CUL4B: variants seen among roughly 807,000 people sequenced by gnomAD.
CUL4B encodes cullin-4B.
A neutral mutation model predicts 69.2 loss-of-function variants in CUL4B; 1 was observed. That is an observed-to-expected ratio of 0.01 (90% CI 0.01 to 0.07). The LOEUF (loss-of-function observed/expected upper bound fraction) is 0.07, where lower values mean the gene tolerates loss of function less well. Among genes scored for constraint, CUL4B ranks in the 10% least tolerant of loss-of-function variants. The probability of loss-of-function intolerance (pLI) is 1.00; values close to 1 mark genes in which losing one functional copy is unlikely to be tolerated. For missense variants in CUL4B, 328 were observed against 638.8 expected (o/e 0.51, Z 5.24); for synonymous variants, 237 against 223.2 (o/e 1.06, Z -0.55).
intron 2 of CUL4B, among the ~76,000 whole-genome samples, chrX:120,557,455 G>A (rs1255190477): frequency 9.0e-6 from 1 of 111,623 alleles, no homozygotes; most frequent in East Asian, 2.8e-4. Flanking sequence ...TGTAGCCCAG[G>A]TATTAGAAAA....
intron 17 of CUL4B, 137 bp from the exon 18 acceptor site, chrX:120,532,731 G>A (rs1313567078): frequency 7.0e-6 from 4 of 569,540 alleles, no homozygotes; most frequent in Non-Finnish European, 8.7e-6. Flanking sequence ...ACTTTTCTTT[G>A]TTCTAGCCAA....
At chrX:120,567,718 A>G (rs374381916), downstream of CUL4B, among the ~76,000 whole-genome samples, 1 of 93,808 alleles carries the variant, frequency 1.1e-5, no homozygotes, top group South Asian at 4.8e-4. Flanking sequence ...GTCTCTATCG[A>G]AAAAAAAAAA....
In CUL4B at chrX:120,548,330, T is replaced by C. The variant is rs777589489; in HGVS notation, c.673-1091A>G. On this transcript the variant is annotated intron_variant, in intron 2 of 19. Transcript: ENST00000371322. Reference sequence around the variant, plus strand: ...AATCATTTTCACAAGCAGAGCTTCATTTTGGGTTTAAAAAAGAATTTCACC... The same window carrying C: ...AATCATTTTCACAAGCAGAGCTTCACTTTGGGTTTAAAAAAGAATTTCACC... Among the ~76,000 whole-genome samples, 71 of 111,748 alleles carry C rather than the reference T, an allele frequency of 6.4e-4. 1 individual carries two copies. Among genetic ancestry groups the C allele is most frequent in the Non-Finnish European group, 2.4e-4 (13 of 53,187 alleles).
chrX:120,558,798 T>C (rs965718275), intron 1 of CUL4B, among the ~76,000 whole-genome samples: 1 of 111,843 alleles, frequency 8.9e-6, no homozygotes, highest in South Asian at 3.7e-4. Context: ...GCCTTAATAA[T>C]ATGCTTTTAT....
intron 19 of CUL4B, among the ~76,000 whole-genome samples, chrX:120,527,224 A>T (rs1383268196): frequency 9.1e-6 from 1 of 109,478 alleles, no homozygotes; most frequent in Non-Finnish European, 1.9e-5. Context: ...CGCCTGGCTA[A>T]TTTTTGTATT....
At chrX:120,561,304 G>A (rs1925294018), upstream of CUL4B, 4 of 549,043 alleles carry the variant, frequency 7.3e-6, no homozygotes, top group Admixed American at 9.4e-5. Flanking sequence ...TTCCTTCCCT[G>A]GCCCACCGGG....
chrX:120,554,217 G>A (rs1030599492), intron 2 of CUL4B, among the ~76,000 whole-genome samples: 3 of 111,808 alleles, frequency 2.7e-5, no homozygotes, highest in Admixed American at 9.5e-5. Context: ...TTTCATTTAC[G>A]TCTAAAAAAC....
At chrX:120,530,477 A>G (rs970530222) in intron 18 of CUL4B, among the ~76,000 whole-genome samples, 1 of 112,394 alleles carries the variant, frequency 8.9e-6, no homozygotes, top group Admixed American at 9.5e-5. Flanking sequence ...TGCTAATATT[A>G]GTTAATAGAA....
chrX:120,534,409 C>T (rs1215587808), intron 17 of CUL4B, 72 bp downstream of exon 17: 1 of 728,172 alleles, frequency 1.4e-6, no homozygotes, highest in Non-Finnish European at 2.2e-6. Context: ...GGAATTATTC[C>T]TATAAATATG....
At chrX:120,534,416 T>G (rs1332787454) in intron 17 of CUL4B, 65 bp downstream of exon 17, 2 of 751,079 alleles carry the variant, frequency 2.7e-6, no homozygotes, top group African/African-American at 2.1e-5. Flanking sequence ...TTCCTATAAA[T>G]ATGTCCCCCA....
chrX:120,524,129 ACAT>A lies in CUL4B; in HGVS notation c.*2629_*2631del, dbSNP rs1922845912. 9.0e-6 allele frequency among the ~76,000 whole-genome samples: 1 copy of A among 111,538 alleles called. No individual in the cohort carries two copies. The highest frequency in any genetic ancestry group is 9.6e-5 in the Admixed American group (1 of 10,376). On this transcript the variant is annotated 3_prime_UTR_variant, in exon 20 of 20. Coordinates refer to ENST00000371322, the MANE Select transcript of CUL4B (RefSeq NM_001079872.2). ...GCAAAAATTTCAAGAGTATGGCTAG[ACAT>A]CATATTAAGACCATTCAAGCAGACT...
chrX:120,543,660 A>G, intron 8 of CUL4B, 67 bp downstream of exon 8: 1 of 758,469 alleles, frequency 1.3e-6, no homozygotes, highest in Non-Finnish European at 2.1e-6. Context: ...CATGTTTAGG[A>G]TGGCTAAAGT....
upstream of CUL4B, among the ~76,000 whole-genome samples, chrX:120,566,250 T>C (rs1318330744): frequency 1.9e-5 from 2 of 103,329 alleles, no homozygotes; most frequent in East Asian, 3.1e-4. Flanking sequence ...GAGATTGCTA[T>C]ATAAAAGCAA....
rs1233659334 is a variant in CUL4B at position 120,526,834 on chromosome X, A to G, written c.2615T>C (p.Ile872Thr). The G allele has an allele frequency of 8.4e-7, 1 of 1,191,927 alleles. No homozygotes were observed. The highest frequency in any genetic ancestry group is 1.1e-6 in the Non-Finnish European group (1 of 880,465). The part of the protein sequence containing the change: ...PVKPADLKKR[I>T]ESLIDRDYME... The stretch of plus-strand genomic sequence containing the variant: ...GTAGTCCCGGTCAATTAAAGATTCT[A>G]TTCTCTTCTTAAGATCAGCAGGCTG... Residue 872 changes from isoleucine to threonine, a missense_variant, in exon 20 of 20, where the codon ATA becomes ACA. By Grantham distance (89) the Ile-to-Thr change is moderately conservative. Around this residue, in one of 4 missense-constraint regions of CUL4B, gnomAD observed 98 missense variants for 296.8 expected, o/e 0.33. Coordinates refer to ENST00000371322, the MANE Select transcript of CUL4B (RefSeq NM_001079872.2).
In CUL4B at chrX:120,546,578, T is replaced by A; in HGVS notation, c.815A>T (p.Asp272Val). ...LDSVLFLKKI[D>V]RCWQNHCRQM... Reference sequence around the variant, plus strand: ...TCTGCAATGGTTTTGCCAGCATCTATCAATCTTCTTTAAAAAAAGAACGCT... The same window carrying A: ...TCTGCAATGGTTTTGCCAGCATCTAACAATCTTCTTTAAAAAAAGAACGCT... The change falls in exon 4 of 20, where the codon GAT (aspartate) becomes GTT (valine). Residue 272 changes from aspartate (D) to valine (V), a missense_variant. Physicochemically the swap from Asp to Val is radical, Grantham distance 152 (BLOSUM62 -3). Coordinates refer to ENST00000371322, the MANE Select transcript of CUL4B (RefSeq NM_001079872.2). 8.3e-7 allele frequency: 1 copy of A among 1,204,494 alleles called. No homozygotes were observed. Among genetic ancestry groups the A allele is most frequent in the Non-Finnish European group, 1.1e-6 (1 of 889,686 alleles).
intron 16 of CUL4B, among the ~76,000 whole-genome samples, chrX:120,534,859 T>C (rs1923558819): frequency 1.8e-5 from 2 of 111,638 alleles, no homozygotes; most frequent in African/African-American, 6.5e-5. Context: ...CAGCCTTATG[T>C]GTCATTCTAG....
At chrX:120,544,293 G>A (rs1924184341) in intron 6 of CUL4B, 90 bp from the exon 7 acceptor site, 2 of 831,756 alleles carry the variant, frequency 2.4e-6, no homozygotes, top group Middle Eastern at 2.9e-4. Context: ...TTATGAATTT[G>A]GTTTTTAAAC....
chrX:120,563,452 G>A (rs1263530958), upstream of CUL4B, among the ~76,000 whole-genome samples: 6 of 111,327 alleles, frequency 5.4e-5, no homozygotes, highest in Middle Eastern at 4.2e-3. Flanking sequence ...GGCCAGGCTG[G>A]TCTCGAACTC....
chrX:120,535,310 A>G (rs1923588474), intron 16 of CUL4B, among the ~76,000 whole-genome samples: 1 of 111,849 alleles, frequency 8.9e-6, no homozygotes, highest in Non-Finnish European at 1.9e-5. Flanking sequence ...GGCCAAATCA[A>G]TCGTGGAAAG....
Sources: allele counts gnomAD v4.1 joint callset (sites outside exome capture counted in the v4.1 genomes callset), GRCh38; gene constraint gnomAD v4.1.1; regional missense constraint gnomAD v4.1.1; transcripts MANE v1.5; gene names NCBI Gene and HGNC (gene_info 2026-07-23, HGNC 2026-07-21).